Variants in RPL14 observed in about 807,000 individuals in gnomAD.
RPL14 encodes the protein large ribosomal subunit protein eL14.
A neutral mutation model predicts 25.3 loss-of-function variants in RPL14; 4 were observed. The observed-to-expected ratio is 0.16, with a 90% CI of 0.08 to 0.36. RPL14 has a LOEUF of 0.36. Ranked by LOEUF, RPL14 falls within the 10% of genes least tolerant of loss-of-function variation. The pLI, the probability that RPL14 is intolerant of heterozygous loss-of-function variation, is 1.00. For missense variants in RPL14, 212 were observed against 261.9 expected (o/e 0.81, Z 1.31); for synonymous variants, 75 against 89.8 (o/e 0.84, Z 0.93).
At position 40,464,616 on chromosome 3, in the gene RPL14, G is replaced by A. The variant is rs953919777; in HGVS notation, c.*2384G>A. 17 of 435,148 alleles carry A rather than the reference G, an allele frequency of 3.9e-5. No individual in the cohort carries two copies. The highest frequency in any genetic ancestry group is 1.5e-4 in the Admixed American group (6 of 39,970). The allele number at this position is 435,148 out of a possible 1,614,324, so 27.0% of individuals were successfully genotyped here. A position where few individuals can be genotyped will look rare whatever the true frequency, so the allele number is the denominator to read the frequency against. On this transcript the variant is annotated 3_prime_UTR_variant, in exon 6 of 6. Coordinates refer to ENST00000396203, the MANE Select transcript of RPL14 (RefSeq NM_001034996.3). Reference sequence around the variant, plus strand: ...GCTACTGAGGGTTTTTTAAAATGGCGTGATATCTCAGATTTAGATCATTGA... The same window carrying A: ...GCTACTGAGGGTTTTTTAAAATGGCATGATATCTCAGATTTAGATCATTGA...
rs780863266 is a variant in RPL14, at chr3:40,461,673, G to C, written c.354+12G>C. On this transcript the variant is annotated intron_variant, in intron 5 of 5. Coordinates refer to ENST00000396203, the MANE Select transcript of RPL14 (RefSeq NM_001034996.3). ...AGGCAAAGAAAATGGTAAGATTTAA[G>C]ATCTGTATTTTTGTGTAACTTAGCT... The C allele has an allele frequency of 8.1e-6, 13 of 1,595,216 alleles. No individual in the cohort carries two copies. The highest frequency in any genetic ancestry group is 1.1e-5 in the Non-Finnish European group (13 of 1,172,686).
At chr3:40,458,250 T>G (rs890713346) in intron 2 of RPL14, 2 of 561,672 alleles carry the variant, frequency 3.6e-6, no homozygotes, top group African/African-American at 3.7e-5. Context: ...TTACTATACG[T>G]AAAGTGAGTT....
chr3:40,459,117 G>C (rs1385188147), intron 3 of RPL14: 1 of 211,758 alleles, frequency 4.7e-6, no homozygotes, highest in African/African-American at 2.3e-5. Context: ...TAGCGAGGTC[G>C]AGGCTGCAGA....
Position 40,465,016 on chromosome 3 carries a change from A to C in RPL14, c.*2784A>C, listed in dbSNP as rs1057155530. The stretch of plus-strand genomic sequence containing the variant: ...TTTCCTCATCTATGTGGTACGCTTC[A>C]GAGTAGTTAATCATGATATGTAGTC... On this transcript the variant is annotated 3_prime_UTR_variant, in exon 6 of 6. Coordinates refer to ENST00000396203, the MANE Select transcript of RPL14 (RefSeq NM_001034996.3). 3 of 157,498 alleles carry C rather than the reference A, an allele frequency of 1.9e-5. No individual in the cohort carries two copies. Among genetic ancestry groups the C allele is most frequent in the African/African-American group, 7.2e-5 (3 of 41,560 alleles). 9.8% of individuals were successfully genotyped at this position (157,498 alleles called of 1,614,324 possible). A position where few individuals can be genotyped will look rare whatever the true frequency, so the allele number is the denominator to read the frequency against.
At position 40,463,481 on chromosome 3, in the gene RPL14, C is replaced by A. The variant is rs1321870032; in HGVS notation, c.*1249C>A. On this transcript the variant is annotated 3_prime_UTR_variant, in exon 6 of 6. Transcript: ENST00000396203. Reference sequence around the variant, plus strand: ...TTGGCCTCCCAAAGTGCTGGAATTACAGGTGTGAGCCACTGTGCCCGGCCT... The same window carrying A: ...TTGGCCTCCCAAAGTGCTGGAATTAAAGGTGTGAGCCACTGTGCCCGGCCT... The A allele has an allele frequency of 6.6e-6, 1 of 152,190 alleles. No homozygotes were observed. The highest frequency in any genetic ancestry group is 1.9e-4 in the East Asian group (1 of 5,192). The allele number at this position is 152,190 out of a possible 1,614,324, so 9.4% of individuals were successfully genotyped here.
Position 40,462,407 on chromosome 3 carries a change from C to G in RPL14, c.*175C>G, listed in dbSNP as rs960928024. 3.2e-6 allele frequency: 2 copies of G among 622,156 alleles called. No homozygotes were observed. Among genetic ancestry groups the G allele is most frequent in the East Asian group, 3.4e-5 (1 of 29,136 alleles). 38.5% of individuals were successfully genotyped at this position (622,156 alleles called of 1,614,324 possible). On this transcript the variant is annotated 3_prime_UTR_variant, in exon 6 of 6. Transcript: ENST00000396203. ...TTTTTTTTTTTTTGAGATGGAGTCTCGTTCTGTTGCTCAGGCCGGACTGCA... is the reference window on the plus strand; with the variant it reads ...TTTTTTTTTTTTTGAGATGGAGTCTGGTTCTGTTGCTCAGGCCGGACTGCA...
chr3:40,464,817 C>T lies in RPL14; in HGVS notation c.*2585C>T, dbSNP rs1697004647. ...GTGTCAGGGTTTCTGGTTTGTACCT[C>T]TGGTTCATTGGTTGTGAGGGAACAT... On this transcript the variant is annotated 3_prime_UTR_variant, in exon 6 of 6. Transcript: ENST00000396203. The T allele has an allele frequency of 4.6e-6, 1 of 219,644 alleles. No individual in the cohort carries two copies. The highest frequency in any genetic ancestry group is 6.8e-5 in the South Asian group (1 of 14,662). The allele number at this position is 219,644 out of a possible 1,614,324, so 13.6% of individuals were successfully genotyped here.
intron 3 of RPL14, among the ~76,000 whole-genome samples, chr3:40,460,016 A>C (rs904544639): frequency 6.6e-6 from 1 of 152,162 alleles, no homozygotes; most frequent in Non-Finnish European, 1.5e-5. Context: ...ACTGTGACAT[A>C]CCAATTAGGG....
chr3:40,458,687 C>T lies in RPL14; in HGVS notation c.151C>T (p.Pro51Ser), dbSNP rs1460709153. Residue 51 changes from proline (P) to serine (S), a missense_variant, in exon 3 of 6, where the codon CCT becomes TCT. This residue lies in a region of RPL14 where 143 missense variants were observed against 180.3 expected (regional missense o/e 0.79). Transcript: ENST00000396203. ...CACTCAAGTGAGGAGACAGGCCATG[C>T]CTTTCAAGTGCATGCAGCTCACTGA... ...PCTQVRRQAM[P>S]FKCMQLTDFI... The T allele has an allele frequency of 1.2e-6, 2 of 1,614,178 alleles. No homozygotes were observed. Among genetic ancestry groups the T allele is most frequent in the Admixed American group, 1.7e-5 (1 of 60,028 alleles).
In RPL14 at chr3:40,465,111, G is replaced by A. The variant is rs975688669; in HGVS notation, c.*2879G>A. ...AGGAGAGGTTTCAGGACAGACTTGG[G>A]ATTCATGAATATGTAAGTGGTCACT... On this transcript the variant is annotated 3_prime_UTR_variant, in exon 6 of 6. Coordinates refer to ENST00000396203, the MANE Select transcript of RPL14 (RefSeq NM_001034996.3). The A allele has an allele frequency of 1.3e-5, 2 of 152,374 alleles. No individual in the cohort carries two copies. Among genetic ancestry groups the A allele is most frequent in the African/African-American group, 4.8e-5 (2 of 41,432 alleles). 9.4% of individuals were successfully genotyped at this position (152,374 alleles called of 1,614,324 possible).
chr3:40,458,941 C>T, intron 3 of RPL14: 1 of 505,182 alleles, frequency 2.0e-6, no homozygotes, highest in East Asian at 3.5e-5. Flanking sequence ...TTTGGGAGGC[C>T]ACGGTGGGAG....
intron 2 of RPL14, chr3:40,458,403 C>T (rs1696877409): frequency 7.4e-6 from 4 of 541,268 alleles, no homozygotes; most frequent in Non-Finnish European, 1.3e-5. Flanking sequence ...TGGTTGGTTT[C>T]TATGGGGTAC....
At chr3:40,457,738 G>C (rs1268896207) in intron 1 of RPL14, 152 bp from the exon 2 acceptor site, 2 of 746,270 alleles carry the variant, frequency 2.7e-6, no homozygotes, top group Non-Finnish European at 4.4e-6. Flanking sequence ...TGCTGATTTC[G>C]TCCATCCAGG....
In RPL14 at chr3:40,462,518, A is replaced by G. The variant is rs986829945; in HGVS notation, c.*286A>G. The G allele has an allele frequency of 7.7e-6, 2 of 261,284 alleles. No homozygotes were observed. Among genetic ancestry groups the G allele is most frequent in the Non-Finnish European group, 1.4e-5 (2 of 139,452 alleles). The allele number at this position is 261,284 out of a possible 1,614,324, so 16.2% of individuals were successfully genotyped here. On this transcript the variant is annotated 3_prime_UTR_variant, in exon 6 of 6. Transcript: ENST00000396203. The stretch of plus-strand genomic sequence containing the variant: ...CAGCCTCCTGAGCAGCTGGGACTAC[A>G]GGTGCCCGCCACCGCGCCTGGCTAA...
Position 40,457,887 on chromosome 3 carries a change from T to G in RPL14, c.4-3T>G. 6.2e-7 allele frequency: 1 copy of G among 1,614,026 alleles called. No individual in the cohort carries two copies. The highest frequency in any genetic ancestry group is 8.5e-7 in the Non-Finnish European group (1 of 1,179,840). Reference sequence around the variant, plus strand: ...TTCACTGTCCTTTCTCCTCCAATTTTAGGTGTTCAGGCGCTTCGTGGAGGT... The same window carrying G: ...TTCACTGTCCTTTCTCCTCCAATTTGAGGTGTTCAGGCGCTTCGTGGAGGT... On this transcript the variant is annotated splice_polypyrimidine_tract_variant and splice_region_variant and intron_variant, in intron 1 of 5. Transcript: ENST00000396203.
chr3:40,467,824 T>G lies in RPL14; in HGVS notation c.*5592T>G, dbSNP rs28450231. 0.97 allele frequency: 145,542 copies of G among 149,950 alleles called. 70,678 individuals are homozygous for G. The highest frequency in any genetic ancestry group is 0.99 in the South Asian group (4,687 of 4,736). 9.3% of individuals were successfully genotyped at this position (149,950 alleles called of 1,614,324 possible). On this transcript the variant is annotated 3_prime_UTR_variant, in exon 6 of 6. Transcript: ENST00000396203. ...GTTTTTGTTTTTTGTGTGTGTGTGTTTTTTTTTTTTTTGAGACGAGGTCTT... is the reference window on the plus strand; with the variant it reads ...GTTTTTGTTTTTTGTGTGTGTGTGTGTTTTTTTTTTTTGAGACGAGGTCTT...
intron 2 of RPL14, chr3:40,458,301 T>C (rs959510500): frequency 5.8e-6 from 3 of 520,090 alleles, no homozygotes; most frequent in Admixed American, 3.4e-5. Flanking sequence ...TTGTATTTAC[T>C]GCTGTGTATT....
At position 40,457,961 on chromosome 3, in the gene RPL14, C is replaced by T; in HGVS notation, c.75C>T (p.Val25=). 6.2e-7 allele frequency: 1 copy of T among 1,614,078 alleles called. No homozygotes were observed. Among genetic ancestry groups the T allele is most frequent in the South Asian group, 1.1e-5 (1 of 91,074 alleles). Residue 25 remains valine (V), a synonymous_variant, in exon 2 of 6, where the codon GTC becomes GTT. Coordinates refer to ENST00000396203, the MANE Select transcript of RPL14 (RefSeq NM_001034996.3). ...TTGGACCTCATGCCGGAAAATTGGTCGCGATTGTAGATGTTATTGATCAGA... is the reference window on the plus strand; with the variant it reads ...TTGGACCTCATGCCGGAAAATTGGTTGCGATTGTAGATGTTATTGATCAGA... ...VSFGPHAGKL[V]AIVDVIDQNR...
chr3:40,463,016 C>A lies in RPL14; in HGVS notation c.*784C>A, dbSNP rs1290723696. ...CTCAGCTCCCTCCACCTTCCGGGTT[C>A]AAGTGATTCTCCTGCCTTGGCTTCC... On this transcript the variant is annotated 3_prime_UTR_variant, in exon 6 of 6. Coordinates refer to ENST00000396203, the MANE Select transcript of RPL14 (RefSeq NM_001034996.3). 6.6e-6 allele frequency: 1 copy of A among 151,918 alleles called. No homozygotes were observed. The highest frequency in any genetic ancestry group is 2.4e-5 in the African/African-American group (1 of 41,308). The allele number at this position is 151,918 out of a possible 1,614,324, so 9.4% of individuals were successfully genotyped here. A position where few individuals can be genotyped will look rare whatever the true frequency, so the allele number is the denominator to read the frequency against.
Sources: allele counts gnomAD v4.1 joint callset (sites outside exome capture counted in the v4.1 genomes callset), GRCh38; gene constraint gnomAD v4.1.1; regional missense constraint gnomAD v4.1.1; transcripts MANE v1.5; gene names NCBI Gene and HGNC (gene_info 2026-07-23, HGNC 2026-07-21).